NF2: variants seen among roughly 807,000 people sequenced by gnomAD.
NF2 encodes merlin.
In NF2, 8 loss-of-function variants were observed where a neutral mutation model predicts 83.7. That is an observed-to-expected ratio of 0.10 (90% CI 0.06 to 0.17). The LOEUF (loss-of-function observed/expected upper bound fraction) is 0.17. Among genes scored for constraint, NF2 ranks in the 10% least tolerant of loss-of-function variants. The pLI is 1.00. For synonymous variants in NF2, 266 were observed against 269.6 expected (o/e 0.99, Z 0.13); for missense variants, 533 against 744.4 (o/e 0.72, Z 3.31).
chr22:29,615,285 C>T (rs1364508653), intron 1 of NF2, among the ~76,000 whole-genome samples: 1 of 152,170 alleles, frequency 6.6e-6, no homozygotes, highest in African/African-American at 2.4e-5. Context: ...GAAAAGCAAA[C>T]TAGTTAGCCA....
intron 1 of NF2, among the ~76,000 whole-genome samples, chr22:29,630,045 T>G (rs568946789): frequency 1.3e-5 from 2 of 152,322 alleles, no homozygotes; most frequent in Non-Finnish European, 2.9e-5. Flanking sequence ...GGTACTAGGA[T>G]TTGATTGCTG....
chr22:29,641,877 A>G (rs2065819505), intron 3 of NF2, among the ~76,000 whole-genome samples: 1 of 152,164 alleles, frequency 6.6e-6, no homozygotes, highest in African/African-American at 2.4e-5. Context: ...TCATCCCCAG[A>G]GCTGCTCTTG....
intron 5 of NF2, among the ~76,000 whole-genome samples, 198 bp downstream of exon 5, chr22:29,654,923 C>T (rs991889106): frequency 2.6e-5 from 4 of 152,102 alleles, no homozygotes; most frequent in Admixed American, 6.6e-5. Context: ...TTTGGGGTCA[C>T]CAGGACTAGC....
Position 29,636,582 on chromosome 22 carries a change from C to T in NF2, c.115-169C>T, listed in dbSNP as rs1411485143. The stretch of plus-strand genomic sequence containing the variant: ...CATTAAGCTCTAATTGGTATTTTCC[C>T]ACTCATGGGTTTGTAAAGGAAGCTT... On this transcript the variant is annotated intron_variant, in intron 1 of 15. Coordinates refer to ENST00000338641, the MANE Select transcript of NF2 (RefSeq NM_000268.4). This position sits in a 1 kb window ranked among gnomAD's most constrained non-coding sequence, Gnocchi z 4.4. 2.6e-5 allele frequency among the ~76,000 whole-genome samples: 4 copies of T among 152,200 alleles called. No homozygotes were observed. The highest frequency in any genetic ancestry group is 4.4e-5 in the Non-Finnish European group (3 of 68,042).
intron 1 of NF2, among the ~76,000 whole-genome samples, chr22:29,635,794 A>G (rs749387499): frequency 2.2e-4 from 33 of 152,194 alleles, no homozygotes; most frequent in African/African-American, 4.3e-4. Flanking sequence ...CACCATTTCT[A>G]TGATGCATCT....
At chr22:29,612,859 G>A (rs541606740) in intron 1 of NF2, among the ~76,000 whole-genome samples, 42 of 152,134 alleles carry the variant, frequency 2.8e-4, no homozygotes, top group African/African-American at 7.7e-4. Flanking sequence ...ACTTTGGGAG[G>A]CCGAGGCAGG....
At chr22:29,655,301 C>A (rs186958270) in intron 5 of NF2, among the ~76,000 whole-genome samples, 1 of 152,280 alleles carries the variant, frequency 6.6e-6, no homozygotes, top group Admixed American at 6.5e-5. Context: ...TTGCTTCTGA[C>A]TGAGCTCCGC....
At chr22:29,682,273 C>T (rs990002554) in intron 15 of NF2, among the ~76,000 whole-genome samples, 16 of 152,092 alleles carry the variant, frequency 1.1e-4, no homozygotes, top group African/African-American at 3.6e-4. Flanking sequence ...TAACTGATAG[C>T]CCAGGACCAG....
At chr22:29,605,936 G>A (rs756745968) in intron 1 of NF2, among the ~76,000 whole-genome samples, 2 of 152,142 alleles carry the variant, frequency 1.3e-5, no homozygotes, top group Non-Finnish European at 2.9e-5. Context: ...CTGTGTGAGT[G>A]CAATTGAAAG....
At chr22:29,646,517 T>A (rs1424799384) in intron 4 of NF2, among the ~76,000 whole-genome samples, 2 of 152,212 alleles carry the variant, frequency 1.3e-5, no homozygotes, top group Non-Finnish European at 2.9e-5. Flanking sequence ...TTCCACAACC[T>A]TTCTGAAACA....
intron 4 of NF2, among the ~76,000 whole-genome samples, chr22:29,642,929 A>G (rs1046397840): frequency 6.6e-6 from 1 of 151,970 alleles, no homozygotes; most frequent in Non-Finnish European, 1.5e-5. Flanking sequence ...GTTAGCTGAA[A>G]ATCGTTCACT....
At chr22:29,615,945 G>A (rs1310606260) in intron 1 of NF2, among the ~76,000 whole-genome samples, 1 of 152,152 alleles carries the variant, frequency 6.6e-6, no homozygotes, top group Non-Finnish European at 1.5e-5. Context: ...GCTGATGAAT[G>A]GATAAACAAA....
intron 7 of NF2, among the ~76,000 whole-genome samples, chr22:29,658,533 T>C (rs2066382035): frequency 6.6e-6 from 1 of 151,918 alleles, no homozygotes; most frequent in Non-Finnish European, 1.5e-5. Context: ...ATGCTCTGAG[T>C]GTAAGATTTG....
chr22:29,614,856 T>A (rs890789394), intron 1 of NF2, among the ~76,000 whole-genome samples: 1 of 152,078 alleles, frequency 6.6e-6, no homozygotes, highest in Non-Finnish European at 1.5e-5. Flanking sequence ...GAGACCAGTC[T>A]GGCCAACATG....
intron 1 of NF2, among the ~76,000 whole-genome samples, chr22:29,608,010 T>C (rs2064844295): frequency 6.7e-6 from 1 of 150,208 alleles, no homozygotes; most frequent in Non-Finnish European, 1.5e-5. Flanking sequence ...CCGTCTCTGC[T>C]AAAAATACAA....
chr22:29,641,093 A>G (rs1005293122), intron 3 of NF2, among the ~76,000 whole-genome samples: 8 of 152,340 alleles, frequency 5.3e-5, no homozygotes, highest in Admixed American at 1.3e-4. Context: ...AGATTGCGCC[A>G]TTGCACTCCA....
intron 1 of NF2, among the ~76,000 whole-genome samples, chr22:29,613,303 G>A (rs1404569597): frequency 2.0e-5 from 3 of 152,152 alleles, no homozygotes; most frequent in Admixed American, 6.5e-5. Flanking sequence ...GCCAAGGCAG[G>A]CAGATCACTT....
At chr22:29,609,202 G>A (rs1247192284) in intron 1 of NF2, 1 of 737,510 alleles carries the variant, frequency 1.4e-6, no homozygotes, top group Non-Finnish European at 2.6e-6. Context: ...TTCAGTATTT[G>A]GCACCATGGG....
At chr22:29,649,373 G>A (rs2066076188) in intron 4 of NF2, among the ~76,000 whole-genome samples, 1 of 152,198 alleles carries the variant, frequency 6.6e-6, no homozygotes, top group Non-Finnish European at 1.5e-5. Context: ...TGGAGGCCAG[G>A]AGCTTGAGAC....
Sources: gnomAD v4.1 joint callset for allele counts (sites outside exome capture counted in the v4.1 genomes callset) on GRCh38, gnomAD v4.1.1 for gene constraint, Gnocchi (gnomAD v3.1) non-coding constraint, MANE v1.5 for transcripts, NCBI Gene and HGNC (gene_info 2026-07-23, HGNC 2026-07-21) for gene names.